The following EEPD1 variants were observed in gnomAD, a reference collection of about 807,000 sequenced individuals.
The protein encoded by EEPD1 is endonuclease/exonuclease/phosphatase family domain-containing protein 1.
A neutral mutation model predicts 46.3 loss-of-function variants in EEPD1; 17 were observed. That is an observed-to-expected ratio of 0.37 (90% CI 0.25 to 0.55). EEPD1 has a LOEUF of 0.55. EEPD1 is among the 20% of genes least tolerant of loss of function. The pLI, the probability that EEPD1 is intolerant of heterozygous loss-of-function variation, is 0.83. For synonymous variants in EEPD1, 313 were observed against 315.6 expected, an observed-to-expected ratio of 0.99 and a Z score of 0.09; for missense variants, 673 against 745.6, an observed-to-expected ratio of 0.90 and a Z score of 1.13.
chr7:36,259,466 T>C (rs1786882699), intron 3 of EEPD1, among the ~76,000 whole-genome samples: 2 of 152,204 alleles, frequency 1.3e-5, no homozygotes, highest in African/African-American at 4.8e-5. Flanking sequence ...CATCTATACA[T>C]GTTACACCTT....
intron 3 of EEPD1, among the ~76,000 whole-genome samples, chr7:36,266,472 T>G (rs1461856556): frequency 6.6e-6 from 1 of 152,196 alleles, no homozygotes; most frequent in Non-Finnish European, 1.5e-5. Context: ...CAGCATCCTT[T>G]CCTGCAAAAT....
intron 6 of EEPD1, among the ~76,000 whole-genome samples, chr7:36,294,379 C>G (rs1186492503): frequency 2.0e-5 from 3 of 151,840 alleles, no homozygotes; most frequent in Non-Finnish European, 4.4e-5. Context: ...GCCAGTATTA[C>G]AATTTAGTTG....
chr7:36,279,817 T>G (rs973963033), intron 3 of EEPD1, among the ~76,000 whole-genome samples: 1 of 152,006 alleles, frequency 6.6e-6, no homozygotes, highest in Non-Finnish European at 1.5e-5. Context: ...TGGCTACTGG[T>G]CCCTAGACCA....
chr7:36,204,836 C>T (rs1785784418), intron 2 of EEPD1, among the ~76,000 whole-genome samples: 1 of 152,080 alleles, frequency 6.6e-6, no homozygotes, highest in African/African-American at 2.4e-5. Flanking sequence ...AAAAAAGAGC[C>T]TTAGGATAGT....
chr7:36,298,163 C>T (rs893441814), intron 7 of EEPD1, among the ~76,000 whole-genome samples: 1 of 152,218 alleles, frequency 6.6e-6, no homozygotes. Flanking sequence ...AAACTAGCCT[C>T]GGTTTGCAGA....
At chr7:36,198,324 G>GAAAAA (rs1192041161) in intron 2 of EEPD1, among the ~76,000 whole-genome samples, 9 of 25,054 alleles carry the variant, frequency 3.6e-4, no homozygotes, top group African/African-American at 9.2e-4. Flanking sequence ...CTGGTCTTAA[G>GAAAAA]AAAAAAAAAA....
chr7:36,182,783 A>T (rs909884512), intron 2 of EEPD1, among the ~76,000 whole-genome samples: 1 of 152,244 alleles, frequency 6.6e-6, no homozygotes, highest in Non-Finnish European at 1.5e-5. Context: ...TCAGTGATGG[A>T]CACGGGACCA....
At chr7:36,228,792 G>A (rs1436728927) in intron 2 of EEPD1, 1 of 152,162 alleles carries the variant, frequency 6.6e-6, no homozygotes, top group African/African-American at 2.4e-5. Flanking sequence ...CAGGCATTAG[G>A]GAGGTTCCTT....
At chr7:36,232,722 T>TG (rs1220757986) in intron 2 of EEPD1, among the ~76,000 whole-genome samples, 2 of 150,820 alleles carry the variant, frequency 1.3e-5, no homozygotes, top group African/African-American at 4.9e-5. Flanking sequence ...CTGTGGAGGC[T>TG]GGGGGGTTGG....
chr7:36,160,679 G>GGGGGGGGGGGGGT (rs1554308595), intron 2 of EEPD1, among the ~76,000 whole-genome samples: 1 of 115,684 alleles, frequency 8.6e-6, no homozygotes, highest in Non-Finnish European at 1.9e-5. Context: ...GAGGTGGTGG[G>GGGGGGGGGGGGGT]GGGCGGGGCG....
At chr7:36,220,073 G>A (rs1018008512) in intron 2 of EEPD1, among the ~76,000 whole-genome samples, 10 of 152,054 alleles carry the variant, frequency 6.6e-5, no homozygotes, top group African/African-American at 2.4e-4. Flanking sequence ...GTGAGGTCGT[G>A]GAGGATGGGG....
chr7:36,197,503 T>C (rs2735776), intron 2 of EEPD1, among the ~76,000 whole-genome samples: 148,684 of 152,330 alleles, frequency 0.98, 72,678 homozygotes, highest in South Asian at 1. Flanking sequence ...ATTGAGAAAT[T>C]GGATGGTTGC....
At chr7:36,240,850 G>A (rs924301334) in intron 3 of EEPD1, among the ~76,000 whole-genome samples, 1 of 152,148 alleles carries the variant, frequency 6.6e-6, no homozygotes, top group Non-Finnish European at 1.5e-5. Flanking sequence ...AGATCATCAG[G>A]CATTAGATTC....
chr7:36,280,262 G>T (rs188230859), intron 3 of EEPD1, among the ~76,000 whole-genome samples: 2 of 152,214 alleles, frequency 1.3e-5, no homozygotes, highest in African/African-American at 2.4e-5. Context: ...CTGGATAGGG[G>T]TGTAAGCTGC....
intron 6 of EEPD1, among the ~76,000 whole-genome samples, chr7:36,291,401 T>C (rs1460760060): frequency 6.6e-6 from 1 of 152,182 alleles, no homozygotes; most frequent in African/African-American, 2.4e-5. Context: ...CTGGTGACTT[T>C]GGACAAACCT....
At chr7:36,229,553 A>G (rs1050723085) in intron 2 of EEPD1, among the ~76,000 whole-genome samples, 1 of 152,084 alleles carries the variant, frequency 6.6e-6, no homozygotes, top group African/African-American at 2.4e-5. Flanking sequence ...TTGTACCTAG[A>G]TTTTAATGTC....
intron 2 of EEPD1, among the ~76,000 whole-genome samples, chr7:36,172,731 T>G (rs142477772): frequency 1.5e-4 from 22 of 151,186 alleles, no homozygotes; most frequent in African/African-American, 5.1e-4. Flanking sequence ...CAAAAGATTG[T>G]ACACCTCTGC....
chr7:36,259,163 G>A (rs1382201526), intron 3 of EEPD1, among the ~76,000 whole-genome samples: 1 of 152,122 alleles, frequency 6.6e-6, no homozygotes, highest in Non-Finnish European at 1.5e-5. Context: ...CTCGCCCTCC[G>A]TGGGCTGCAC....
chr7:36,154,772 G>T lies in EEPD1; in HGVS notation c.448G>T (p.Val150Leu). 6.2e-7 allele frequency: 1 copy of T among 1,614,098 alleles called. No individual in the cohort carries two copies. Among genetic ancestry groups the T allele is most frequent in the Non-Finnish European group, 8.5e-7 (1 of 1,180,020 alleles). Reference sequence around the variant, plus strand: ...AGCCACCCCGGCCCAGCTCATGAGCGTGCGAGGCCTCTCGGAGAAAATGGC... The same window carrying T: ...AGCCACCCCGGCCCAGCTCATGAGCTTGCGAGGCCTCTCGGAGAAAATGGC... ...NTATPAQLMS[V>L]RGLSEKMALS... is the part of the protein sequence containing the mutation. The change falls in exon 2 of 8, where the codon GTG becomes TTG. Residue 150 changes from valine (V) to leucine (L), a missense_variant. By Grantham distance (32) the Val-to-Leu change is conservative. Coordinates refer to ENST00000242108, the MANE Select transcript of EEPD1 (RefSeq NM_030636.3). The surrounding 1 kb of genome is among the most constrained non-coding windows in gnomAD (Gnocchi z 4.2).
Sources: allele counts gnomAD v4.1 joint callset (sites outside exome capture counted in the v4.1 genomes callset), GRCh38; gene constraint gnomAD v4.1.1; non-coding constraint Gnocchi (gnomAD v3.1); transcripts MANE v1.5; gene names NCBI Gene and HGNC (gene_info 2026-07-23, HGNC 2026-07-21).